MED16: variants seen among roughly 807,000 people sequenced by gnomAD.
MED16 encodes mediator of RNA polymerase II transcription subunit 16.
A neutral mutation model predicts 84.4 loss-of-function variants in MED16; 81 were observed. The observed-to-expected ratio is 0.96, with a 90% confidence interval of 0.80 to 1.15. The LOEUF (loss-of-function observed/expected upper bound fraction) is 1.15. Among genes scored for constraint, MED16 ranks in the 50% most tolerant of loss-of-function variants. MED16 has a pLI of 0.00. For synonymous variants in MED16, 897 were observed against 552.2 expected (o/e 1.62, Z -8.76); for missense variants, 1,585 against 1,245.9 (o/e 1.27, Z -4.10).
At chr19:884,287 G>A (rs1022099398) in intron 6 of MED16, among the ~76,000 whole-genome samples, 3 of 152,194 alleles carry the variant, frequency 2.0e-5, no homozygotes, top group African/African-American at 2.4e-5. Context: ...GCAGGCGGGC[G>A]TCCCTGCTTC....
intron 4 of MED16, among the ~76,000 whole-genome samples, chr19:887,157 A>G (rs1256232021): frequency 6.6e-6 from 1 of 152,060 alleles, no homozygotes; most frequent in Non-Finnish European, 1.5e-5. Context: ...TATCATACGT[A>G]TCGTACGGCT....
chr19:888,790 T>A (rs574182895), intron 4 of MED16, among the ~76,000 whole-genome samples: 1 of 152,124 alleles, frequency 6.6e-6, no homozygotes, highest in Non-Finnish European at 1.5e-5. Flanking sequence ...GCGCCGACAA[T>A]GGCAGTCCCT....
intron 13 of MED16, among the ~76,000 whole-genome samples, chr19:870,180 C>T (rs370404490): frequency 2.0e-5 from 3 of 152,184 alleles, no homozygotes; most frequent in Admixed American, 6.5e-5. Flanking sequence ...GGATCTACGG[C>T]GAGGCCTGAC....
At chr19:879,807 C>G (rs2145225757) in intron 8 of MED16, 130 bp downstream of exon 8, 1 of 1,142,958 alleles carries the variant, frequency 8.7e-7, no homozygotes, top group South Asian at 1.5e-5. Context: ...CCCTGGCTGT[C>G]AATCCCCACC....
At position 868,858 on chromosome 19, in the gene MED16, C is replaced by T. The variant is rs998331914; in HGVS notation, c.2399+5G>A. ...TGGGAGTCAGCGGTTCCGGGGGCCC[C>T]TCACCTGGTGCAGGCCTTGCATTCC... On this transcript the variant is annotated splice_donor_5th_base_variant and intron_variant, in intron 14 of 15. Transcript: ENST00000325464. 28 of 1,547,098 alleles carry T rather than the reference C, an allele frequency of 1.8e-5. No individual in the cohort carries two copies. The highest frequency in any genetic ancestry group is 5.4e-5 in the African/African-American group (4 of 73,410).
At chr19:877,245 A>C in intron 8 of MED16, 65 bp from the exon 9 acceptor site, 1 of 1,506,034 alleles carries the variant, frequency 6.6e-7, no homozygotes, top group South Asian at 1.2e-5. Flanking sequence ...CGGGAGAGGA[A>C]TGGGGCCCTG....
chr19:871,436 G>A (rs1353565049), intron 12 of MED16, among the ~76,000 whole-genome samples, 183 bp from the exon 13 acceptor site: 1 of 152,050 alleles, frequency 6.6e-6, no homozygotes, highest in Non-Finnish European at 1.5e-5. Context: ...TGCCTGGCTG[G>A]GTGACCCCAG....
At chr19:869,290 C>G (rs1422696198) in intron 13 of MED16, among the ~76,000 whole-genome samples, 2 of 152,116 alleles carry the variant, frequency 1.3e-5, no homozygotes, top group Non-Finnish European at 2.9e-5. Flanking sequence ...TTGTGACGCT[C>G]CCATTTGAGG....
chr19:891,395 G>C (rs73505599), intron 1 of MED16, among the ~76,000 whole-genome samples: 2,759 of 152,294 alleles, frequency 0.018, 71 homozygotes, highest in African/African-American at 0.062. Flanking sequence ...GGACCTATTT[G>C]GGTTTCACCA....
At chr19:877,311 T>C (rs1462233845) in intron 8 of MED16, 131 bp from the exon 9 acceptor site, 18 of 779,886 alleles carry the variant, frequency 2.3e-5, no homozygotes, top group African/African-American at 1.4e-4. Context: ...TGGGCCTGTG[T>C]GCGCGCATGT....
At chr19:889,251 G>A (rs1266516552) in intron 4 of MED16, among the ~76,000 whole-genome samples, 1 of 152,132 alleles carries the variant, frequency 6.6e-6, no homozygotes, top group East Asian at 1.9e-4. Flanking sequence ...ATAGAGAGGG[G>A]CTCTGGGATG....
At chr19:886,471 T>A (rs961131010) in intron 4 of MED16, among the ~76,000 whole-genome samples, 5 of 152,172 alleles carry the variant, frequency 3.3e-5, no homozygotes, top group Non-Finnish European at 5.9e-5. Context: ...GGGAGTCACC[T>A]CCCCTTTCTG....
intron 10 of MED16, among the ~76,000 whole-genome samples, chr19:873,959 C>CCGGCTGG (rs1317777323): frequency 1.3e-5 from 2 of 152,186 alleles, no homozygotes; most frequent in Non-Finnish European, 2.9e-5. Context: ...GCAGCCACCC[C>CCGGCTGG]CGGCTGGCAG....
At position 867,975 on chromosome 19, in the gene MED16, G is replaced by A. The variant is rs182667690; in HGVS notation, c.*126C>T. The A allele has an allele frequency of 2.3e-4, 295 of 1,281,616 alleles. 1 individual carries two copies. Among genetic ancestry groups the A allele is most frequent in the Middle Eastern group, 1.4e-3 (5 of 3,604 alleles). 79.4% of individuals were successfully genotyped at this position (1,281,616 alleles called of 1,614,324 possible). On this transcript the variant is annotated 3_prime_UTR_variant, in exon 16 of 16. Coordinates refer to ENST00000325464, the MANE Select transcript of MED16 (RefSeq NM_005481.3). ...AGGGACGCGGGCCTGGGCGCAGAGG[G>A]CGTTTATTGGACCTGTCCTTCCCAG...
Position 879,936 on chromosome 19 carries a change from C to A in MED16, c.1353+1G>T. On this transcript the variant is annotated splice_donor_variant, in intron 8 of 15. Transcript: ENST00000325464. LOFTEE classifies it high-confidence loss of function. Reference sequence around the variant, plus strand: ...CGGCCCCACGTGCCCCAGCAGCTCACCTTCCCGTGGCTGTCAATCCCCACC... The same window carrying A: ...CGGCCCCACGTGCCCCAGCAGCTCAACTTCCCGTGGCTGTCAATCCCCACC... The A allele has an allele frequency of 6.3e-7, 1 of 1,596,662 alleles. No homozygotes were observed. The highest frequency in any genetic ancestry group is 1.1e-5 in the South Asian group (1 of 88,596).
Position 868,267 on chromosome 19 carries a change from A to G in MED16, c.2484-16T>C, listed in dbSNP as rs2035962613. ...TTCAACAGCCCTGCAGGGCGGGCTG[A>G]GGTTAACCGCGCCGAGGAGAGTCCA... On this transcript the variant is annotated splice_polypyrimidine_tract_variant and intron_variant, in intron 15 of 15. Coordinates refer to ENST00000325464, the MANE Select transcript of MED16 (RefSeq NM_005481.3). The G allele has an allele frequency of 1.3e-6, 2 of 1,591,860 alleles. No individual in the cohort carries two copies. Among genetic ancestry groups the G allele is most frequent in the Non-Finnish European group, 8.5e-7 (1 of 1,170,974 alleles).
Position 875,444 on chromosome 19 carries a change from G to T in MED16, c.1571C>A (p.Thr524Asn). 6.2e-7 allele frequency: 1 copy of T among 1,601,754 alleles called. No homozygotes were observed. The highest frequency in any genetic ancestry group is 1.1e-5 in the South Asian group (1 of 90,954). The change falls in exon 10 of 16, where the codon ACC (threonine) becomes AAC (asparagine). Residue 524 changes from threonine to asparagine, a missense_variant. By Grantham distance (65) the Thr-to-Asn change is moderately conservative. Transcript: ENST00000325464. Reference sequence around the variant, plus strand: ...CGAGGCCTTCATGGCCAGGATCCGGGTGGAGAGGACCTGAGGGCAGGAAGC... The same window carrying T: ...CGAGGCCTTCATGGCCAGGATCCGGTTGGAGAGGACCTGAGGGCAGGAAGC... The part of the protein sequence containing the change: ...QTAALQQVLS[T>N]RILAMKASLC...
At chr19:888,920 G>T (rs898390028) in intron 4 of MED16, among the ~76,000 whole-genome samples, 2 of 152,198 alleles carry the variant, frequency 1.3e-5, no homozygotes, top group African/African-American at 4.8e-5. Flanking sequence ...CGAAGCTGGG[G>T]TGGCTGTGAG....
At position 891,611 on chromosome 19, in the gene MED16, G is replaced by A. The variant is rs977123740; in HGVS notation, c.-18-462C>T. ...CGGGGCTGAGTGACAGGGAACACCT[G>A]TGGCCGAGGCGGGGCTGAGTGACAG... On this transcript the variant is annotated intron_variant, in intron 1 of 15. Coordinates refer to ENST00000325464, the MANE Select transcript of MED16 (RefSeq NM_005481.3). Among the ~76,000 whole-genome samples, 8 of 151,516 alleles carry A rather than the reference G, an allele frequency of 5.3e-5. No individual in the cohort carries two copies. The East Asian group carries it at 7.8e-4, about 15-fold the overall frequency.
Sources: gnomAD v4.1 joint callset for allele counts (sites outside exome capture counted in the v4.1 genomes callset) on GRCh38, gnomAD v4.1.1 for gene constraint, MANE v1.5 for transcripts, NCBI Gene and HGNC (gene_info 2026-07-23, HGNC 2026-07-21) for gene names.